GAS2: variants seen among roughly 807,000 people sequenced by gnomAD.
GAS2 encodes growth arrest-specific protein 2.
Under a neutral mutation model 37.5 loss-of-function variants are expected in GAS2, and 20 were observed. The ratio of observed to expected loss-of-function variants is 0.53; its 90% CI spans 0.37 to 0.77. The LOEUF is 0.77. Ranked by LOEUF, GAS2 falls within the 30% of genes least tolerant of loss-of-function variation. The pLI is 0.00. For missense variants in GAS2, 336 were observed against 373.4 expected, an observed-to-expected ratio of 0.90 and a Z score of 0.82; for synonymous variants, 144 against 132.2, an observed-to-expected ratio of 1.09 and a Z score of -0.61.
chr11:22,668,271 T>A (rs1849060361), intron 1 of GAS2: 1 of 152,646 alleles, frequency 6.6e-6, no homozygotes, highest in African/African-American at 2.4e-5. Flanking sequence ...CTAACTGCGG[T>A]GAAGGTGGTG....
intron 5 of GAS2, among the ~76,000 whole-genome samples, chr11:22,745,118 C>CAA (rs142582542): frequency 0.022 from 2,825 of 128,962 alleles, 109 homozygotes; most frequent in African/African-American, 0.067. Flanking sequence ...CATTTGGAAC[C>CAA]AAAAAAAAAA....
chr11:22,676,076 C>A (rs978400707), intron 2 of GAS2, among the ~76,000 whole-genome samples: 1 of 151,928 alleles, frequency 6.6e-6, no homozygotes, highest in African/African-American at 2.4e-5. Context: ...GGTGTGCACA[C>A]AATTTTGGCA....
At chr11:22,804,086 T>C (rs1488410193) in intron 7 of GAS2, among the ~76,000 whole-genome samples, 4 of 152,112 alleles carry the variant, frequency 2.6e-5, no homozygotes, top group Non-Finnish European at 5.9e-5. Context: ...ATGGAAGATT[T>C]TCCAGTTGGG....
At chr11:22,708,177 A>G (rs1043736270) in intron 3 of GAS2, among the ~76,000 whole-genome samples, 1 of 152,172 alleles carries the variant, frequency 6.6e-6, no homozygotes, top group Non-Finnish European at 1.5e-5. Context: ...AGGGGACAGA[A>G]CAAAAGAAGG....
In GAS2 at chr11:22,730,849, A is replaced by G. The variant is rs375206662; in HGVS notation, c.409+4416A>G. Reference sequence around the variant, plus strand: ...CGAAATGTAAAAGTTATTGGACTGTATTAATCAATAATCTTCCTAACAGTA... The same window carrying G: ...CGAAATGTAAAAGTTATTGGACTGTGTTAATCAATAATCTTCCTAACAGTA... On this transcript the variant is annotated intron_variant, in intron 4 of 7. Transcript: ENST00000454584. Among the ~76,000 whole-genome samples, 7 of 151,914 alleles carry G rather than the reference A, an allele frequency of 4.6e-5. No homozygotes were observed. The East Asian group carries it at 5.8e-4, about 13-fold the overall frequency.
intron 7 of GAS2, among the ~76,000 whole-genome samples, chr11:22,800,646 T>C (rs1856621408): frequency 6.6e-6 from 1 of 151,978 alleles, no homozygotes; most frequent in South Asian, 2.1e-4. Context: ...ACCAGCACAA[T>C]ATTAGAGACA....
chr11:22,775,017 G>A (rs1855180979), intron 7 of GAS2, among the ~76,000 whole-genome samples: 1 of 152,058 alleles, frequency 6.6e-6, no homozygotes, highest in Non-Finnish European at 1.5e-5. Flanking sequence ...GTGCAGCCTT[G>A]AGAGTTGAGG....
At chr11:22,761,896 C>T (rs1337736510) in intron 7 of GAS2, among the ~76,000 whole-genome samples, 2 of 152,108 alleles carry the variant, frequency 1.3e-5, no homozygotes, top group East Asian at 3.9e-4. Flanking sequence ...CAGTATTGAT[C>T]ACTTTACCTG....
intron 5 of GAS2, among the ~76,000 whole-genome samples, chr11:22,739,770 C>G (rs1201367745): frequency 6.6e-6 from 1 of 151,814 alleles, no homozygotes; most frequent in East Asian, 1.9e-4. Context: ...CATTAGAATA[C>G]TCTAAAATGC....
At chr11:22,780,174 A>G (rs148260211) in intron 7 of GAS2, among the ~76,000 whole-genome samples, 1 of 152,316 alleles carries the variant, frequency 6.6e-6, no homozygotes, top group African/African-American at 2.4e-5. Flanking sequence ...ACTCTGAAAA[A>G]TAGAAAAGTA....
At chr11:22,759,097 T>C (rs1854226321) in intron 7 of GAS2, among the ~76,000 whole-genome samples, 1 of 152,136 alleles carries the variant, frequency 6.6e-6, no homozygotes. Flanking sequence ...TGTATGTATA[T>C]GAACATATCT....
intron 3 of GAS2, among the ~76,000 whole-genome samples, chr11:22,707,060 T>C (rs1008574006): frequency 2.0e-5 from 3 of 152,186 alleles, no homozygotes; most frequent in Non-Finnish European, 4.4e-5. Flanking sequence ...CATTGTGGTT[T>C]TGATTTGCAT....
chr11:22,795,110 C>T (rs1251265999), intron 7 of GAS2, among the ~76,000 whole-genome samples: 1 of 152,112 alleles, frequency 6.6e-6, no homozygotes, highest in Non-Finnish European at 1.5e-5. Flanking sequence ...AGTGTGTAGC[C>T]TAGCCATATA....
At chr11:22,717,465 T>C (rs61590626) in intron 3 of GAS2, among the ~76,000 whole-genome samples, 2,168 of 152,136 alleles carry the variant, frequency 0.014, 52 homozygotes, top group African/African-American at 0.05. Context: ...TGAAACTGGA[T>C]CTCTGTCTCT....
intron 4 of GAS2, among the ~76,000 whole-genome samples, chr11:22,732,770 T>TATCATCATCATC (rs35919121): frequency 1.4e-4 from 20 of 145,826 alleles, no homozygotes; most frequent in African/African-American, 2.1e-4. Flanking sequence ...CCCCTCCATT[T>TATCATCATCATC]ATCATCATCA....
intron 2 of GAS2, among the ~76,000 whole-genome samples, chr11:22,685,090 A>T (rs601069): frequency 0.37 from 55,861 of 151,812 alleles, 11,283 homozygotes; most frequent in African/African-American, 0.55. Flanking sequence ...GCTTGAGCCC[A>T]AGGAGCTCAA....
At chr11:22,757,683 A>C (rs893118653) in intron 7 of GAS2, among the ~76,000 whole-genome samples, 4 of 152,232 alleles carry the variant, frequency 2.6e-5, no homozygotes, top group African/African-American at 9.6e-5. Context: ...TATTTTTATA[A>C]CATTTCCCTT....
chr11:22,771,668 C>T (rs1854987917), intron 7 of GAS2, among the ~76,000 whole-genome samples: 1 of 152,070 alleles, frequency 6.6e-6, no homozygotes, highest in African/African-American at 2.4e-5. Flanking sequence ...GTCTGTTATA[C>T]ATAAATGCAA....
intron 7 of GAS2, among the ~76,000 whole-genome samples, chr11:22,801,303 A>G (rs1856650866): frequency 6.6e-6 from 1 of 152,068 alleles, no homozygotes; most frequent in Admixed American, 6.6e-5. Flanking sequence ...GAAGCTGCTG[A>G]CTGATCATTT....
Sources: gnomAD v4.1 joint callset for allele counts (sites outside exome capture counted in the v4.1 genomes callset) on GRCh38, gnomAD v4.1.1 for gene constraint, MANE v1.5 for transcripts, NCBI Gene and HGNC (gene_info 2026-07-23, HGNC 2026-07-21) for gene names.